Variants in CLMN observed in about 807,000 individuals in gnomAD.
CLMN encodes calmin, also known as calmin (calponin-like, transmembrane).
Under a neutral mutation model 92.7 loss-of-function variants are expected in CLMN, and 57 were observed. The ratio of observed to expected loss-of-function variants is 0.61; its 90% CI spans 0.50 to 0.77. The LOEUF is 0.77. Among genes scored for constraint, CLMN ranks in the 30% least tolerant of loss-of-function variants. The pLI, the probability that CLMN is intolerant of heterozygous loss-of-function variation, is 0.00. For synonymous variants in CLMN, 466 were observed against 470.6 expected (o/e 0.99, Z 0.13); for missense variants, 1,158 against 1,237.5 (o/e 0.94, Z 0.96).
chr14:95,226,376 T>C (rs1327610167), intron 2 of CLMN, among the ~76,000 whole-genome samples: 1 of 152,216 alleles, frequency 6.6e-6, no homozygotes, highest in Admixed American at 6.5e-5. Context: ...GATGCAGTTT[T>C]TTTTTTCTGA....
chr14:95,250,917 G>A (rs1201955686), intron 1 of CLMN, among the ~76,000 whole-genome samples: 1 of 152,172 alleles, frequency 6.6e-6, no homozygotes, highest in East Asian at 1.9e-4. Flanking sequence ...GGGAGGGGAG[G>A]AGAATGGAAA....
At chr14:95,277,817 G>T (rs1331722728) in intron 1 of CLMN, among the ~76,000 whole-genome samples, 1 of 152,126 alleles carries the variant, frequency 6.6e-6, no homozygotes, top group African/African-American at 2.4e-5. Context: ...AGTAGAGATG[G>T]AGTTTCACCA....
intron 4 of CLMN, among the ~76,000 whole-genome samples, chr14:95,219,045 A>G (rs931043400): frequency 3.3e-5 from 5 of 152,196 alleles, no homozygotes; most frequent in Non-Finnish European, 7.3e-5. Flanking sequence ...CACGCTGTCC[A>G]TGTGAGGTCT....
At chr14:95,318,528 A>T (rs1901893814) in intron 1 of CLMN, among the ~76,000 whole-genome samples, 1 of 152,168 alleles carries the variant, frequency 6.6e-6, no homozygotes, top group Admixed American at 6.5e-5. Context: ...TAATGTTTAA[A>T]CTTGACTGCT....
chr14:95,191,350 A>C lies in CLMN; in HGVS notation c.*214T>G, dbSNP rs1406748978. The C allele has an allele frequency of 5.0e-6, 2 of 401,956 alleles. No homozygotes were observed. Among genetic ancestry groups the C allele is most frequent in the African/African-American group, 4.2e-5 (2 of 47,644 alleles). 24.9% of individuals were successfully genotyped at this position (401,956 alleles called of 1,614,324 possible). On this transcript the variant is annotated 3_prime_UTR_variant, in exon 13 of 13. Coordinates refer to ENST00000298912, the MANE Select transcript of CLMN (RefSeq NM_024734.4). The surrounding 1 kb of genome is among the most constrained non-coding windows in gnomAD (Gnocchi z 5.3). ...GATCCAGCTGCATGCCTGAGTTTTG[A>C]GTACACAGCCAAAGAAAAAAGCATG...
chr14:95,222,770 G>A (rs1595588169), intron 3 of CLMN, among the ~76,000 whole-genome samples: 1 of 152,232 alleles, frequency 6.6e-6, no homozygotes, highest in Admixed American at 6.5e-5. Flanking sequence ...GCCGCTAATA[G>A]GTATCTTGTG....
rs3219870 is a variant in CLMN at position 95,297,811 on chromosome 14, GCACACACACACACA to G, written c.82+21886_82+21899del. 1.6e-4 allele frequency among the ~76,000 whole-genome samples: 23 copies of G among 145,116 alleles called. No homozygotes were observed. In the South Asian group the frequency reaches 1.6e-3, roughly 10 times the overall value. On this transcript the variant is annotated intron_variant, in intron 1 of 12. Transcript: ENST00000298912. ...TTTTTGGCTATTATGAATATGGCAG[GCACACACACACACA>G]CACACACACACACACACACACACAC...
chr14:95,273,684 T>C (rs540737654), intron 1 of CLMN, among the ~76,000 whole-genome samples: 122 of 152,122 alleles, frequency 8.0e-4, no homozygotes, highest in Non-Finnish European at 1.4e-3. Context: ...CCCCCGCCAT[T>C]AGGGGAGGTG....
intron 2 of CLMN, among the ~76,000 whole-genome samples, chr14:95,229,521 T>G (rs150198536): frequency 9.2e-5 from 14 of 152,246 alleles, no homozygotes; most frequent in African/African-American, 3.4e-4. Context: ...TGCCTCTGTT[T>G]CCTCCTTCTG....
intron 1 of CLMN, among the ~76,000 whole-genome samples, chr14:95,276,739 A>G (rs1899944046): frequency 6.6e-6 from 1 of 152,170 alleles, no homozygotes; most frequent in Admixed American, 6.5e-5. Context: ...TGGATTAAAG[A>G]CAACAGGGGA....
intron 4 of CLMN, among the ~76,000 whole-genome samples, chr14:95,218,745 C>T (rs898238654): frequency 3.2e-4 from 48 of 152,204 alleles, no homozygotes; most frequent in African/African-American, 1.1e-3. Flanking sequence ...TAAATGGGGC[C>T]CAGTGGGGCA....
At chr14:95,215,566 G>T in intron 5 of CLMN, 75 bp downstream of exon 5, 1 of 1,264,738 alleles carries the variant, frequency 7.9e-7, no homozygotes, top group African/African-American at 1.5e-5. Flanking sequence ...CCCTTAATCT[G>T]GCCCCACTCT....
At position 95,201,158 on chromosome 14, in the gene CLMN, T is replaced by TA. The variant is rs915711334; in HGVS notation, c.2511+1679dup. Among the ~76,000 whole-genome samples the TA allele has an allele frequency of 1.2e-3, 187 of 151,536 alleles. 1 individual carries two copies. The highest frequency in any genetic ancestry group is 2.4e-3 in the Non-Finnish European group (160 of 67,862). On this transcript the variant is annotated intron_variant, in intron 9 of 12. Coordinates refer to ENST00000298912, the MANE Select transcript of CLMN (RefSeq NM_024734.4). ...ATGTACCCCAGAACTTAAAGTATAA[T>TA]AAAAAAATTTAAAAATATATATATA...
At chr14:95,210,579 A>G (rs1030128576) in intron 7 of CLMN, 107 bp downstream of exon 7, 8 of 1,167,454 alleles carry the variant, frequency 6.9e-6, no homozygotes, top group African/African-American at 6.4e-5. Context: ...AGGAGAAAAA[A>G]TCTTCTTCAT....
rs1234334552 is a variant in CLMN at position 95,259,532 on chromosome 14, G to GTTCC, written c.83-29403_83-29400dup. On this transcript the variant is annotated intron_variant, in intron 1 of 12. Transcript: ENST00000298912. This position sits in a 1 kb window ranked among gnomAD's most constrained non-coding sequence, Gnocchi z 4.3. ...CTGGGAGGAAACGAGACAGGCTGTAGTTCCCACAGAGCTGCTGGGAGCAGG... is the reference window on the plus strand; with the variant it reads ...CTGGGAGGAAACGAGACAGGCTGTAGTTCCTTCCCACAGAGCTGCTGGGAGCAGG... Among the ~76,000 whole-genome samples, 1 of 152,148 alleles carries GTTCC rather than the reference G, an allele frequency of 6.6e-6. No individual in the cohort carries two copies. The highest frequency in any genetic ancestry group is 1.5e-5 in the Non-Finnish European group (1 of 68,020).
intron 9 of CLMN, 83 bp downstream of exon 9, chr14:95,202,755 G>T: frequency 7.2e-7 from 1 of 1,390,528 alleles, no homozygotes; most frequent in Non-Finnish European, 9.7e-7. Context: ...GCTATTTTAT[G>T]GAGCAAGAAG....
intron 1 of CLMN, among the ~76,000 whole-genome samples, chr14:95,309,636 C>T (rs1301293044): frequency 6.6e-6 from 1 of 152,226 alleles, no homozygotes; most frequent in Non-Finnish European, 1.5e-5. Flanking sequence ...GTCAGGAAGC[C>T]TCCCCGAGTT....
chr14:95,203,084 C>T lies in CLMN; in HGVS notation c.2265G>A (p.Met755Ile), dbSNP rs1054977128. 7 of 1,613,998 alleles carry T rather than the reference C, an allele frequency of 4.3e-6. No individual in the cohort carries two copies. The highest frequency in any genetic ancestry group is 5.9e-6 in the Non-Finnish European group (7 of 1,180,036). ...TATAGCCCTCTGGCTCTTCGAGATC[C>T]ATTTCTTCATTTTTTAGATCCTCCG... Reference protein sequence around the residue: ...EDPEDLKNEEMDLEEPEGYMP... With the variant: ...EDPEDLKNEEIDLEEPEGYMP... Residue 755 changes from methionine (M) to isoleucine (I), a missense_variant, in exon 9 of 13, where the codon ATG (methionine) becomes ATA (isoleucine). By Grantham distance (10) the Met-to-Ile change is conservative (BLOSUM62 1). Transcript: ENST00000298912.
chr14:95,276,874 C>T (rs1003189117), intron 1 of CLMN, among the ~76,000 whole-genome samples: 8 of 152,156 alleles, frequency 5.3e-5, no homozygotes, highest in African/African-American at 1.7e-4. Context: ...AGTTCCTCCA[C>T]GCAACCCCTG....
Sources: allele counts gnomAD v4.1 joint callset (sites outside exome capture counted in the v4.1 genomes callset), GRCh38; gene constraint gnomAD v4.1.1; non-coding constraint Gnocchi (gnomAD v3.1); transcripts MANE v1.5; gene names NCBI Gene and HGNC (gene_info 2026-07-23, HGNC 2026-07-21).